The following DCTN4 variants were observed in gnomAD, a reference collection of about 807,000 sequenced individuals.
The protein encoded by DCTN4 is dynactin 4 (p62).
In DCTN4, 23 loss-of-function variants were observed where a neutral mutation model predicts 62.7. The ratio of observed to expected loss-of-function variants is 0.37; its 90% CI spans 0.26 to 0.52. The LOEUF is 0.52. DCTN4 is among the 20% of genes least tolerant of loss of function. The probability of loss-of-function intolerance (pLI) is 0.92; values close to 1 mark genes in which losing one functional copy is unlikely to be tolerated. For synonymous variants in DCTN4, 199 were observed against 202.1 expected (o/e 0.98, Z 0.13); for missense variants, 514 against 580.4 (o/e 0.89, Z 1.18).
Position 150,709,547 on chromosome 5 carries a change from T to TA in DCTN4, c.*1601dup, listed in dbSNP as rs926913675. On this transcript the variant is annotated 3_prime_UTR_variant, in exon 13 of 13. Transcript: ENST00000447998. ...TTACCCATCCCCCTGCTCCAACTCC[T>TA]AAGAGGCTAAATGTTATTACCATAA... is the stretch of plus-strand genomic sequence containing the variant. 10 of 152,252 alleles carry TA rather than the reference T, an allele frequency of 6.6e-5. No individual in the cohort carries two copies. Among genetic ancestry groups the TA allele is most frequent in the African/African-American group, 2.2e-4 (9 of 41,336 alleles). The allele number at this position is 152,252 out of a possible 1,614,324, so 9.4% of individuals were successfully genotyped here. A position where few individuals can be genotyped will look rare whatever the true frequency, so the allele number is the denominator to read the frequency against.
intron 8 of DCTN4, among the ~76,000 whole-genome samples, chr5:150,726,073 A>G (rs1470512166): frequency 6.6e-6 from 1 of 152,174 alleles, no homozygotes; most frequent in Admixed American, 6.5e-5. Flanking sequence ...ATAAGCTGGT[A>G]TAAGGCTATA....
chr5:150,736,037 C>T (rs961569505), intron 4 of DCTN4, among the ~76,000 whole-genome samples: 35 of 150,852 alleles, frequency 2.3e-4, no homozygotes, highest in African/African-American at 8.5e-4. Context: ...TTGAATTAAC[C>T]CAATCTGACA....
At chr5:150,749,539 G>C (rs1258083943) in intron 3 of DCTN4, among the ~76,000 whole-genome samples, 3 of 152,154 alleles carry the variant, frequency 2.0e-5, no homozygotes, top group Non-Finnish European at 4.4e-5. Flanking sequence ...GCATTGGCCA[G>C]GTGCAGTGGT....
Position 150,759,004 on chromosome 5 carries a change from G to A in DCTN4, c.-11C>T. 8 of 1,612,920 alleles carry A rather than the reference G, an allele frequency of 5.0e-6. No individual in the cohort carries two copies. The highest frequency in any genetic ancestry group is 6.8e-6 in the Non-Finnish European group (8 of 1,179,100). On this transcript the variant is annotated 5_prime_UTR_variant, in exon 1 of 13. Transcript: ENST00000447998. Reference sequence around the variant, plus strand: ...CAGCAAGGACGCCATCTTGGGGAGGGAGGAGGCGATGACGCTCCCGGCGCA... The same window carrying A: ...CAGCAAGGACGCCATCTTGGGGAGGAAGGAGGCGATGACGCTCCCGGCGCA...
chr5:150,709,976 A>C lies in DCTN4; in HGVS notation c.*1173T>G, dbSNP rs578056090. On this transcript the variant is annotated 3_prime_UTR_variant, in exon 13 of 13. Coordinates refer to ENST00000447998, the MANE Select transcript of DCTN4 (RefSeq NM_016221.4). ...TTAGCAACCCAACTCCAGGATACCA[A>C]GTGAAAACAGCAAGTCTGCTGTTAG... 3.5e-4 allele frequency: 54 copies of C among 152,494 alleles called. No homozygotes were observed. Among genetic ancestry groups the C allele is most frequent in the African/African-American group, 1.3e-3 (54 of 41,572 alleles). The allele number at this position is 152,494 out of a possible 1,614,324, so 9.4% of individuals were successfully genotyped here. A position where few individuals can be genotyped will look rare whatever the true frequency, so the allele number is the denominator to read the frequency against.
At chr5:150,734,821 G>C (rs1374732358) in intron 4 of DCTN4, among the ~76,000 whole-genome samples, 1 of 152,190 alleles carries the variant, frequency 6.6e-6, no homozygotes, top group Non-Finnish European at 1.5e-5. Context: ...AGTGAGACTG[G>C]CCTTGCTGGC....
Position 150,715,628 on chromosome 5 carries a change from C to G in DCTN4, c.1106G>C (p.Gly369Ala). The G allele has an allele frequency of 6.2e-7, 1 of 1,614,150 alleles. No homozygotes were observed. The highest frequency in any genetic ancestry group is 8.5e-7 in the Non-Finnish European group (1 of 1,180,028). ...VVPPKELVLAGKDAAAEYDEL... is the reference protein window; with the variant it reads ...VVPPKELVLAAKDAAAEYDEL... ...ATCGTACTCTGCTGCTGCATCCTTGCCAGCTAAAACGAGCTCTTTGGGAGG... is the reference window on the plus strand; with the variant it reads ...ATCGTACTCTGCTGCTGCATCCTTGGCAGCTAAAACGAGCTCTTTGGGAGG... Residue 369 changes from glycine (G) to alanine (A), a missense_variant, in exon 12 of 13, where the codon GGC becomes GCC. Coordinates refer to ENST00000447998, the MANE Select transcript of DCTN4 (RefSeq NM_016221.4).
At chr5:150,741,785 T>C (rs1046631335) in intron 4 of DCTN4, among the ~76,000 whole-genome samples, 2 of 152,224 alleles carry the variant, frequency 1.3e-5, no homozygotes, top group Non-Finnish European at 2.9e-5. Flanking sequence ...CCTGGCTGTT[T>C]ATGATATTTC....
intron 5 of DCTN4, chr5:150,731,920 A>C (rs1760385738): frequency 1.3e-6 from 2 of 1,551,572 alleles, no homozygotes; most frequent in Non-Finnish European, 1.7e-6. Context: ...TAGAGCCCCA[A>C]AATAGCAGCA....
At chr5:150,748,379 C>T (rs1416898652) in intron 3 of DCTN4, among the ~76,000 whole-genome samples, 19 of 152,024 alleles carry the variant, frequency 1.2e-4, no homozygotes, top group Non-Finnish European at 2.2e-4. Context: ...GTCAGTGTGG[C>T]GATTCCTCAG....
At chr5:150,739,817 T>A (rs1043865375) in intron 4 of DCTN4, among the ~76,000 whole-genome samples, 1 of 151,830 alleles carries the variant, frequency 6.6e-6, no homozygotes, top group Non-Finnish European at 1.5e-5. Context: ...AACAAAAACA[T>A]AAACTGGGGA....
At chr5:150,752,606 A>G (rs1257307984) in intron 3 of DCTN4, among the ~76,000 whole-genome samples, 3 of 152,192 alleles carry the variant, frequency 2.0e-5, no homozygotes, top group Non-Finnish European at 4.4e-5. Flanking sequence ...ACTTGATACA[A>G]CCAGATTAAA....
chr5:150,718,440 G>T, intron 10 of DCTN4, 57 bp from the exon 11 acceptor site: 1 of 1,264,422 alleles, frequency 7.9e-7, no homozygotes, highest in South Asian at 1.3e-5. Flanking sequence ...CTGCTATACC[G>T]AATATTTCGC....
chr5:150,731,468 T>C lies in DCTN4; in HGVS notation c.559A>G (p.Arg187Gly). 6.2e-7 allele frequency: 1 copy of C among 1,613,818 alleles called. No individual in the cohort carries two copies. The highest frequency in any genetic ancestry group is 1.1e-5 in the South Asian group (1 of 91,078). Residue 187 changes from arginine (R) to glycine (G), a missense_variant, in exon 6 of 13, where the codon AGG (arginine) becomes GGG (glycine). Arg to Gly is a moderately radical substitution (Grantham distance 125). Coordinates refer to ENST00000447998, the MANE Select transcript of DCTN4 (RefSeq NM_016221.4). ...GCACCAGCTCGTGGTCGCTGAAGCC[T>C]GGTTCCAAGACCATATTTGTCCTAA... ...AFSDKYGLGT[R>G]LQRPRAGASI... is the part of the protein sequence containing the mutation.
intron 3 of DCTN4, among the ~76,000 whole-genome samples, chr5:150,749,678 T>A (rs1752602428): frequency 6.6e-6 from 1 of 151,486 alleles, no homozygotes. Context: ...AAAATAAAAA[T>A]AGTTTGGCAG....
At chr5:150,758,685 C>T in intron 1 of DCTN4, 174 bp downstream of exon 1, 4 of 1,308,668 alleles carry the variant, frequency 3.1e-6, no homozygotes, top group Non-Finnish European at 4.2e-6. Context: ...CGAGGCTGCT[C>T]CTCCTTTCCA....
chr5:150,714,784 C>A (rs1301629397), intron 12 of DCTN4, among the ~76,000 whole-genome samples: 1 of 152,166 alleles, frequency 6.6e-6, no homozygotes, highest in Non-Finnish European at 1.5e-5. Flanking sequence ...CAGGACCACG[C>A]AAGCAGTGTT....
intron 4 of DCTN4, chr5:150,734,067 C>T (rs907812214): frequency 1.3e-5 from 2 of 151,858 alleles, no homozygotes; most frequent in African/African-American, 4.8e-5. Flanking sequence ...TGGTGTATGC[C>T]TATAGTCCCA....
At chr5:150,752,618 A>G (rs1561711282) in intron 3 of DCTN4, among the ~76,000 whole-genome samples, 1 of 152,232 alleles carries the variant, frequency 6.6e-6, no homozygotes, top group Non-Finnish European at 1.5e-5. Flanking sequence ...CAGATTAAAC[A>G]TGTTGTACCA....
Sources: allele counts gnomAD v4.1 joint callset (sites outside exome capture counted in the v4.1 genomes callset), GRCh38; gene constraint gnomAD v4.1.1; transcripts MANE v1.5; gene names NCBI Gene and HGNC (gene_info 2026-07-23, HGNC 2026-07-21).